Variants in CTNNA3 observed in about 807,000 individuals in gnomAD.
The protein encoded by CTNNA3 is catenin alpha 3.
In CTNNA3, 76 loss-of-function variants were observed where a neutral mutation model predicts 95.7. That is an observed-to-expected ratio of 0.79 (90% confidence interval 0.66 to 0.96). CTNNA3 has a LOEUF of 0.96. CTNNA3 is among the 40% of genes least tolerant of loss of function. The pLI is 0.00. For synonymous variants in CTNNA3, 431 were observed against 374.4 expected (o/e 1.15, Z -1.74); for missense variants, 1,191 against 1,089.8 (o/e 1.09, Z -1.31).
At position 67,289,659 on chromosome 10, in the gene CTNNA3, A is replaced by G. The variant is rs150340871; in HGVS notation, c.580-69789T>C. Among the ~76,000 whole-genome samples, 27 of 152,296 alleles carry G rather than the reference A, an allele frequency of 1.8e-4. No homozygotes were observed. The East Asian group carries it at 4.6e-3, about 26-fold the overall frequency. On this transcript the variant is annotated intron_variant, in intron 5 of 17. Transcript: ENST00000433211. ...GCTCTAGAGACAAAGGGCAAAACAT[A>G]CTAAATTATTATTAGTGCTTGAGAA... is the stretch of plus-strand genomic sequence containing the variant.
intron 17 of CTNNA3, among the ~76,000 whole-genome samples, chr10:65,934,062 A>G (rs551583512): frequency 7.3e-4 from 111 of 152,316 alleles, no homozygotes; most frequent in African/African-American, 2.4e-3. Context: ...TAAGAAACAA[A>G]TGATGATAGA....
chr10:67,271,397 T>C (rs1344205394), intron 5 of CTNNA3, among the ~76,000 whole-genome samples: 3 of 152,170 alleles, frequency 2.0e-5, no homozygotes, highest in Non-Finnish European at 2.9e-5. Flanking sequence ...AACTCTGTCC[T>C]GCCGCCCTGT....
At chr10:66,424,041 G>T (rs1165286030) in intron 11 of CTNNA3, among the ~76,000 whole-genome samples, 1 of 151,940 alleles carries the variant, frequency 6.6e-6, no homozygotes, top group Non-Finnish European at 1.5e-5. Flanking sequence ...ATTTATTTAA[G>T]AATATTTTAT....
At chr10:67,746,755 T>G (rs577946600) in intron 1 of CTNNA3, among the ~76,000 whole-genome samples, 4 of 152,286 alleles carry the variant, frequency 2.6e-5, no homozygotes, top group Non-Finnish European at 4.4e-5. Flanking sequence ...ACCACAGAGC[T>G]GTGCAGATTC....
At chr10:66,651,179 C>G (rs4543876) in intron 9 of CTNNA3, among the ~76,000 whole-genome samples, 100,268 of 151,940 alleles carry the variant, frequency 0.66, 33,991 homozygotes, top group East Asian at 0.95. Flanking sequence ...GTTTACAATC[C>G]TTTAGCTAGA....
intron 10 of CTNNA3, among the ~76,000 whole-genome samples, chr10:66,556,123 A>C (rs1842381327): frequency 6.6e-6 from 1 of 152,054 alleles, no homozygotes; most frequent in East Asian, 1.9e-4. Context: ...GCTCAACGAC[A>C]CTGATAATCA....
At chr10:66,034,165 G>A (rs1199296649) in intron 15 of CTNNA3, among the ~76,000 whole-genome samples, 5 of 150,334 alleles carry the variant, frequency 3.3e-5, no homozygotes, top group African/African-American at 4.9e-5. Context: ...GTGAGTGAAC[G>A]TGAATTGAAA....
chr10:66,818,702 C>T (rs1472711572), intron 7 of CTNNA3, among the ~76,000 whole-genome samples: 1 of 147,246 alleles, frequency 6.8e-6, no homozygotes, highest in Non-Finnish European at 1.5e-5. Context: ...TAATGCAGTC[C>T]CTTTCAAAAT....
intron 8 of CTNNA3, among the ~76,000 whole-genome samples, chr10:66,770,780 C>T (rs898094030): frequency 6.6e-6 from 1 of 151,990 alleles, no homozygotes; most frequent in Admixed American, 6.6e-5. Context: ...AAGGAATCAT[C>T]TTCAGGGAAA....
chr10:67,526,935 G>A (rs1289907905), intron 4 of CTNNA3, among the ~76,000 whole-genome samples: 1 of 152,226 alleles, frequency 6.6e-6, no homozygotes, highest in African/African-American at 2.4e-5. Flanking sequence ...TGAGGCTTGG[G>A]TGGAAAAATG....
chr10:67,585,369 T>A (rs894952836), intron 3 of CTNNA3, among the ~76,000 whole-genome samples: 1 of 152,184 alleles, frequency 6.6e-6, no homozygotes, highest in African/African-American at 2.4e-5. Context: ...TTAGGGAGAA[T>A]TCCTTCCTCC....
chr10:67,133,328 T>TACACAC (rs1554928688), intron 7 of CTNNA3, among the ~76,000 whole-genome samples: 5 of 105,324 alleles, frequency 4.7e-5, no homozygotes, highest in African/African-American at 1.8e-4. Flanking sequence ...TATATATTTA[T>TACACAC]ACACACACAC....
chr10:66,262,173 T>C (rs927455732), intron 13 of CTNNA3, among the ~76,000 whole-genome samples: 4 of 151,996 alleles, frequency 2.6e-5, no homozygotes, highest in African/African-American at 9.7e-5. Context: ...TACGTGGATA[T>C]AGGTAACTCA....
chr10:66,558,712 C>T (rs1842463550), intron 10 of CTNNA3, among the ~76,000 whole-genome samples: 1 of 152,032 alleles, frequency 6.6e-6, no homozygotes, highest in Admixed American at 6.6e-5. Flanking sequence ...ATGACAAATT[C>T]ATCAATGTTT....
At chr10:65,973,149 G>A (rs1253960382) in intron 16 of CTNNA3, among the ~76,000 whole-genome samples, 1 of 152,044 alleles carries the variant, frequency 6.6e-6, no homozygotes, top group African/African-American at 2.4e-5. Context: ...GCTAGCCAAA[G>A]GCAGAAGAAT....
At chr10:67,511,631 A>T (rs1438187914) in intron 5 of CTNNA3, among the ~76,000 whole-genome samples, 2 of 152,170 alleles carry the variant, frequency 1.3e-5, no homozygotes, top group Non-Finnish European at 2.9e-5. Context: ...ATCGATGTTT[A>T]TCAGGGATAT....
intron 13 of CTNNA3, among the ~76,000 whole-genome samples, chr10:66,170,656 A>C (rs2085372343): frequency 2.6e-5 from 4 of 152,168 alleles, no homozygotes; most frequent in Admixed American, 1.3e-4. Flanking sequence ...CAAGTAGGGA[A>C]AACTGCATAT....
intron 9 of CTNNA3, among the ~76,000 whole-genome samples, chr10:66,652,342 G>A (rs1845940377): frequency 6.6e-6 from 1 of 151,970 alleles, no homozygotes; most frequent in Non-Finnish European, 1.5e-5. Context: ...TAATGCAAAA[G>A]AGTATAAGAC....
intron 11 of CTNNA3, among the ~76,000 whole-genome samples, chr10:66,490,142 T>A (rs58778349): frequency 0.014 from 2,080 of 152,238 alleles, 48 homozygotes; most frequent in African/African-American, 0.048. Context: ...TTTTGTGGGG[T>A]CTCTTTTCTG....
Sources: allele counts gnomAD v4.1 joint callset (sites outside exome capture counted in the v4.1 genomes callset), GRCh38; gene constraint gnomAD v4.1.1; transcripts MANE v1.5; gene names NCBI Gene and HGNC (gene_info 2026-07-23, HGNC 2026-07-21).